The following TRAF4 variants were observed in gnomAD, a reference collection of about 807,000 sequenced individuals.
TRAF4 encodes the protein TNF receptor-associated factor 4.
In TRAF4, 9 loss-of-function variants were observed where a neutral mutation model predicts 47.3. That is an observed-to-expected ratio of 0.19 (90% confidence interval 0.11 to 0.33). TRAF4 has a LOEUF of 0.33. TRAF4 is among the 10% of genes least tolerant of loss of function. TRAF4 has a pLI of 1.00. For missense variants in TRAF4, 448 were observed against 620.3 expected, an observed-to-expected ratio of 0.72 and a Z score of 2.95; for synonymous variants, 236 against 236.9, an observed-to-expected ratio of 1.00 and a Z score of 0.04.
At chr17:28,747,295 GCA>G (rs776634698) in intron 2 of TRAF4, 31 bp downstream of exon 2, 8 of 1,609,270 alleles carry the variant, frequency 5.0e-6, no homozygotes, top group Non-Finnish European at 5.9e-6. Flanking sequence ...AGAAGCCCAA[GCA>G]CAGTCTGTTG....
chr17:28,744,019 CCGCCCGGA>C lies in TRAF4; in HGVS notation c.-93_-86del. On this transcript the variant is annotated 5_prime_UTR_variant, in exon 1 of 7. Transcript: ENST00000262395. ...CCCTGGCCGCGACCGCCAGTCGGCGCCGCCCGGAGCCGGGAGCGCCGCTCCAGCGAGGC... is the reference window on the plus strand; with the variant it reads ...CCCTGGCCGCGACCGCCAGTCGGCGCGCCGGGAGCGCCGCTCCAGCGAGGC... 4.9e-6 allele frequency: 5 copies of C among 1,019,654 alleles called. No homozygotes were observed. The highest frequency in any genetic ancestry group is 3.5e-6 in the Non-Finnish European group (3 of 854,822). 63.2% of individuals were successfully genotyped at this position (1,019,654 alleles called of 1,614,324 possible).
At chr17:28,748,697 T>C (rs1420965828) in intron 6 of TRAF4, 31 bp downstream of exon 6, 2 of 1,601,642 alleles carry the variant, frequency 1.2e-6, no homozygotes, top group African/African-American at 2.7e-5. Context: ...TCAGCCCCCT[T>C]TTGCCCTTGA....
In TRAF4 at chr17:28,748,170, G is replaced by T; in HGVS notation, c.454G>T (p.Ala152Ser). 6.2e-7 allele frequency: 1 copy of T among 1,613,978 alleles called. No individual in the cohort carries two copies. The highest frequency in any genetic ancestry group is 1.1e-5 in the South Asian group (1 of 91,082). The change falls in exon 4 of 7, where the codon GCC becomes TCC. Residue 152 changes from alanine (A) to serine (S), a missense_variant. Ala to Ser is a moderately conservative substitution (Grantham distance 99). Coordinates refer to ENST00000262395, the MANE Select transcript of TRAF4 (RefSeq NM_004295.4). ...EFCGCDFSGE[A>S]YESHEGMCPQ... The stretch of plus-strand genomic sequence containing the variant: ...TTGTGGCTGTGACTTCAGTGGGGAG[G>T]CCTATGAGGTGGGTGGGGTCTGGCT...
chr17:28,748,992 A>T lies in TRAF4; in HGVS notation c.828A>T (p.Pro276=). The change falls in exon 7 of 7, where the codon CCA becomes CCT. Residue 276 remains proline (P), a synonymous_variant. Transcript: ENST00000262395. ...GGCATGTGGAGGAGAGTGTGAAGCC[A>T]CATCTGGCCATGATGTGTGCCCTGG... ...MARHVEESVK[P]HLAMMCALVS... The T allele has an allele frequency of 6.2e-7, 1 of 1,613,512 alleles. No homozygotes were observed. The highest frequency in any genetic ancestry group is 8.5e-7 in the Non-Finnish European group (1 of 1,179,982).
At chr17:28,747,151 G>A (rs964664578) in intron 1 of TRAF4, 62 bp from the exon 2 acceptor site, 1 of 1,573,692 alleles carries the variant, frequency 6.4e-7, no homozygotes, top group Non-Finnish European at 8.7e-7. Flanking sequence ...AGTGGAGGGG[G>A]TGGGGCCAGG....
chr17:28,745,767 C>T (rs777982177), intron 1 of TRAF4, among the ~76,000 whole-genome samples: 2 of 152,188 alleles, frequency 1.3e-5, no homozygotes, highest in Non-Finnish European at 2.9e-5. Flanking sequence ...GCTCCTCACC[C>T]GCCACGGTAC....
chr17:28,748,842 A>T (rs547528715), intron 6 of TRAF4, 103 bp from the exon 7 acceptor site: 2 of 1,485,020 alleles, frequency 1.3e-6, no homozygotes, highest in African/African-American at 2.8e-5. Flanking sequence ...CCTCACGTAG[A>T]GCTGGGTGCC....
In TRAF4 at chr17:28,749,428, A is replaced by T; in HGVS notation, c.1264A>T (p.Thr422Ser). The T allele has an allele frequency of 6.2e-7, 1 of 1,613,986 alleles. No individual in the cohort carries two copies. Among genetic ancestry groups the T allele is most frequent in the Non-Finnish European group, 8.5e-7 (1 of 1,180,026 alleles). ...PNWKNFQKPG[T>S]WRGSLDESSL... ...CTGGAAGAATTTCCAGAAGCCAGGC[A>T]CGTGGCGGGGCTCCCTGGATGAGAG... The change falls in exon 7 of 7, where the codon ACG (threonine) becomes TCG (serine). Residue 422 changes from threonine to serine, a missense_variant. Thr to Ser is a moderately conservative substitution (Grantham distance 58). Coordinates refer to ENST00000262395, the MANE Select transcript of TRAF4 (RefSeq NM_004295.4).
At chr17:28,747,423 C>G in intron 2 of TRAF4, 159 bp downstream of exon 2, 1 of 841,864 alleles carries the variant, frequency 1.2e-6, no homozygotes, top group African/African-American at 1.7e-5. Flanking sequence ...GGCCAGTTTG[C>G]AAACGAGGCC....
rs1338664592 is a variant in TRAF4, at chr17:28,747,230, G to T, written c.161G>T (p.Cys54Phe). The stretch of plus-strand genomic sequence containing the variant: ...CATTTCAGTGAAGGAGTCTTCAAGT[G>T]CCCTGAGGACCAGCTTCCTCTGGAC... ...QEFLSEGVFK[C>F]PEDQLPLDYA... The change falls in exon 2 of 7, where the codon TGC (cysteine) becomes TTC (phenylalanine). Residue 54 changes from cysteine to phenylalanine, a missense_variant. Transcript: ENST00000262395. The T allele has an allele frequency of 3.7e-6, 6 of 1,613,664 alleles. No individual in the cohort carries two copies. Among genetic ancestry groups the T allele is most frequent in the African/African-American group, 2.7e-5 (2 of 74,914 alleles).
rs776313346 is a variant in TRAF4, at chr17:28,750,665, T to C, written c.*1088T>C. ...TTTTCTCCTGTCTCTCATCGGCTTT[T>C]CTTAACGGGCCTCAGTGGGTGCATG... On this transcript the variant is annotated 3_prime_UTR_variant, in exon 7 of 7. Transcript: ENST00000262395. 2 of 144,918 alleles carry C rather than the reference T, an allele frequency of 1.4e-5. No individual in the cohort carries two copies. The highest frequency in any genetic ancestry group is 1.5e-5 in the Non-Finnish European group (1 of 65,170). 9.0% of individuals were successfully genotyped at this position (144,918 alleles called of 1,614,324 possible).
In TRAF4 at chr17:28,750,669, A is replaced by G. The variant is rs200532695; in HGVS notation, c.*1092A>G. On this transcript the variant is annotated 3_prime_UTR_variant, in exon 7 of 7. Coordinates refer to ENST00000262395, the MANE Select transcript of TRAF4 (RefSeq NM_004295.4). ...CTCCTGTCTCTCATCGGCTTTTCTT[A>G]ACGGGCCTCAGTGGGTGCATGTGAT... 1.0e-5 allele frequency: 1 copy of G among 97,810 alleles called. No homozygotes were observed. The highest frequency in any genetic ancestry group is 3.6e-5 in the African/African-American group (1 of 27,772). The allele number at this position is 97,810 out of a possible 1,614,324, so 6.1% of individuals were successfully genotyped here.
rs377015203 is a variant in TRAF4, at chr17:28,748,621, C to T, written c.735C>T (p.Thr245=). ...GCCATCTGAAGGACAGCTGTAACAC[C>T]GCCCTGGTGCTCTGCCCATTCAAAG... The part of the protein sequence containing the change: ...LPGHLKDSCN[T]ALVLCPFKDS... The change falls in exon 6 of 7, where the codon ACC becomes ACT. Residue 245 remains threonine, a synonymous_variant. Coordinates refer to ENST00000262395, the MANE Select transcript of TRAF4 (RefSeq NM_004295.4). 44 of 1,612,962 alleles carry T rather than the reference C, an allele frequency of 2.7e-5. No individual in the cohort carries two copies. The highest frequency in any genetic ancestry group is 2.7e-4 in the African/African-American group (20 of 75,032).
Position 28,749,993 on chromosome 17 carries a change from G to A in TRAF4, c.*416G>A, listed in dbSNP as rs2034578986. The A allele has an allele frequency of 1.6e-6, 1 of 637,690 alleles. No individual in the cohort carries two copies. Among genetic ancestry groups the A allele is most frequent in the South Asian group, 1.7e-5 (1 of 58,674 alleles). The allele number at this position is 637,690 out of a possible 1,614,324, so 39.5% of individuals were successfully genotyped here. ...ATTTTTTCCCCCTTTACCTAGCTGT[G>A]CCCCCTCTGGTTATTTATTTCCTTA... On this transcript the variant is annotated 3_prime_UTR_variant, in exon 7 of 7. Coordinates refer to ENST00000262395, the MANE Select transcript of TRAF4 (RefSeq NM_004295.4).
chr17:28,748,871 C>T, intron 6 of TRAF4, 74 bp from the exon 7 acceptor site: 2 of 1,524,832 alleles, frequency 1.3e-6, no homozygotes, highest in Non-Finnish European at 1.8e-6. Context: ...TGTACCCACT[C>T]CTCTCCTCTC....
intron 1 of TRAF4, chr17:28,744,739 C>T (rs1333225749): frequency 6.1e-6 from 1 of 165,278 alleles, no homozygotes; most frequent in Admixed American, 6.5e-5. Flanking sequence ...GCGACTTGCC[C>T]AGGGTCACAT....
intron 2 of TRAF4, chr17:28,747,604 A>G: frequency 3.4e-6 from 2 of 591,268 alleles, no homozygotes; most frequent in Non-Finnish European, 6.0e-6. Flanking sequence ...ACAGCCTGGG[A>G]TTGAGCAGGC....
chr17:28,745,469 C>G (rs566397191), intron 1 of TRAF4: 5 of 152,622 alleles, frequency 3.3e-5, no homozygotes, highest in South Asian at 2.1e-4. Context: ...CCGACCCCCC[C>G]ACAGCTGACC....
rs749867836 is a variant in TRAF4 at position 28,744,101 on chromosome 17, C to A, written c.-12C>A. 2 of 1,541,064 alleles carry A rather than the reference C, an allele frequency of 1.3e-6. No individual in the cohort carries two copies. Among genetic ancestry groups the A allele is most frequent in the Non-Finnish European group, 1.7e-6 (2 of 1,151,758 alleles). ...CCTGGCCCCGCTCGCCCGTGCCGGC[C>A]GCTCGCCCGCCATGCCTGGCTTCGA... On this transcript the variant is annotated 5_prime_UTR_variant, in exon 1 of 7. Transcript: ENST00000262395.
Sources: gnomAD v4.1 joint callset for allele counts (sites outside exome capture counted in the v4.1 genomes callset) on GRCh38, gnomAD v4.1.1 for gene constraint, MANE v1.5 for transcripts, NCBI Gene and HGNC (gene_info 2026-07-23, HGNC 2026-07-21) for gene names.